The following WSCD2 variants were observed in gnomAD, a reference collection of about 807,000 sequenced individuals.
WSCD2 encodes the protein WSC domain sialate O sulfotransferase 2, also known as sialate:O-sulfotransferase 2.
A neutral mutation model predicts 55.7 loss-of-function variants in WSCD2; 28 were observed. The ratio of observed to expected loss-of-function variants is 0.50; its 90% CI spans 0.37 to 0.69. WSCD2 has a LOEUF of 0.69. WSCD2 is among the 30% of genes least tolerant of loss of function. The pLI is 0.00. For synonymous variants in WSCD2, 301 were observed against 301.9 expected (o/e 1.00, Z 0.03); for missense variants, 616 against 762.1 (o/e 0.81, Z 2.26).
At chr12:108,153,333 C>A in intron 1 of WSCD2, among the ~76,000 whole-genome samples, 1 of 152,224 alleles carries the variant, frequency 6.6e-6, no homozygotes, top group South Asian at 2.1e-4. Flanking sequence ...CTGTGGATCT[C>A]TGTAGCCCCA....
intron 1 of WSCD2, among the ~76,000 whole-genome samples, chr12:108,132,341 GAC>G (rs1228803537): frequency 6.6e-6 from 1 of 152,176 alleles, no homozygotes; most frequent in East Asian, 1.9e-4. Flanking sequence ...TGTGTGTGTG[GAC>G]ACGTGTGTGA....
At chr12:108,236,099 G>T (rs377225152) in intron 7 of WSCD2, among the ~76,000 whole-genome samples, 5 of 152,168 alleles carry the variant, frequency 3.3e-5, no homozygotes. Flanking sequence ...ATTTGCACGT[G>T]CTATCATCTG....
At chr12:108,154,095 GC>G (rs914455053) in intron 1 of WSCD2, among the ~76,000 whole-genome samples, 51 of 152,190 alleles carry the variant, frequency 3.4e-4, no homozygotes, top group African/African-American at 1.2e-3. Flanking sequence ...GAAGGTCAGG[GC>G]CCCCTGAGTG....
chr12:108,205,574 T>C (rs1246090020), intron 2 of WSCD2, among the ~76,000 whole-genome samples: 1 of 152,216 alleles, frequency 6.6e-6, no homozygotes, highest in African/African-American at 2.4e-5. Context: ...ACAATTTTCC[T>C]TTGAATGGAA....
chr12:108,222,217 C>G (rs1195690500), intron 4 of WSCD2, among the ~76,000 whole-genome samples: 1 of 152,218 alleles, frequency 6.6e-6, no homozygotes, highest in East Asian at 1.9e-4. Context: ...CTAGATAGAC[C>G]CAGACACCGC....
At chr12:108,160,944 T>G (rs1011384324) in intron 1 of WSCD2, among the ~76,000 whole-genome samples, 3 of 152,172 alleles carry the variant, frequency 2.0e-5, no homozygotes, top group African/African-American at 4.8e-5. Flanking sequence ...GTTTCCTCAC[T>G]TATAAAGTGG....
chr12:108,223,002 G>A (rs1281659333), intron 4 of WSCD2, among the ~76,000 whole-genome samples: 1 of 152,256 alleles, frequency 6.6e-6, no homozygotes, highest in African/African-American at 2.4e-5. Context: ...TGGCAGGCCA[G>A]CAGACTGGAA....
chr12:108,149,581 G>A (rs541435947), intron 1 of WSCD2, among the ~76,000 whole-genome samples: 2 of 152,296 alleles, frequency 1.3e-5, no homozygotes, highest in South Asian at 4.1e-4. Flanking sequence ...TGCTCAGGCA[G>A]GGGGATGCTC....
At position 108,163,644 on chromosome 12, in the gene WSCD2, T is replaced by A. The variant is rs190259251; in HGVS notation, c.-551-31638T>A. Among the ~76,000 whole-genome samples the A allele has an allele frequency of 1.2e-3, 182 of 151,924 alleles. 1 individual carries two copies. The highest frequency in any genetic ancestry group is 1.3e-3 in the Non-Finnish European group (85 of 67,942). ...AAGAGGGAGGCAGGGAAGATCCGAG[T>A]CAGTAGCAGGAGATGCGATGATAGA... On this transcript the variant is annotated intron_variant, in intron 1 of 8. Transcript: ENST00000547525.
chr12:108,146,201 C>T (rs1205843412), intron 1 of WSCD2, among the ~76,000 whole-genome samples: 2 of 152,188 alleles, frequency 1.3e-5, no homozygotes, highest in Non-Finnish European at 2.9e-5. Context: ...GAAAAACATC[C>T]CTTCCATCCC....
At chr12:108,240,297 G>A in intron 7 of WSCD2, 47 bp from the exon 8 acceptor site, 3 of 1,605,368 alleles carry the variant, frequency 1.9e-6, no homozygotes, top group Non-Finnish European at 2.6e-6. Context: ...TGGGCTTCTT[G>A]CTTCCCCAGC....
chr12:108,195,223 T>A (rs1386537636), intron 1 of WSCD2, 59 bp from the exon 2 acceptor site: 1 of 152,654 alleles, frequency 6.6e-6, no homozygotes, highest in Non-Finnish European at 1.5e-5. Flanking sequence ...TCAAGAACCC[T>A]GTGGGTTCTG....
chr12:108,214,016 G>A (rs1886538010), intron 4 of WSCD2, among the ~76,000 whole-genome samples: 2 of 152,262 alleles, frequency 1.3e-5, no homozygotes, highest in African/African-American at 4.8e-5. Flanking sequence ...CTAGGATTAT[G>A]CCTAGGATTT....
chr12:108,248,380 G>T lies in WSCD2; in HGVS notation c.*37G>T. 1 of 1,583,134 alleles carries T rather than the reference G, an allele frequency of 6.3e-7. No homozygotes were observed. The highest frequency in any genetic ancestry group is 1.2e-5 in the South Asian group (1 of 86,186). ...AGGGGGAGGGTAGACTGGGAGTCCT[G>T]ACCACGCAGGCCCTGGGGACTCAAG... On this transcript the variant is annotated 3_prime_UTR_variant, in exon 9 of 9. Transcript: ENST00000547525. This position sits in a 1 kb window ranked among gnomAD's most constrained non-coding sequence, Gnocchi z 4.3.
At chr12:108,185,267 T>G (rs941348296) in intron 1 of WSCD2, among the ~76,000 whole-genome samples, 2 of 152,130 alleles carry the variant, frequency 1.3e-5, no homozygotes, top group Admixed American at 1.3e-4. Flanking sequence ...ATGTCCTCAA[T>G]GTATTATTTA....
At chr12:108,239,397 T>G (rs1889527282) in intron 7 of WSCD2, among the ~76,000 whole-genome samples, 1 of 152,236 alleles carries the variant, frequency 6.6e-6, no homozygotes, top group Non-Finnish European at 1.5e-5. Flanking sequence ...CTGACTGGGC[T>G]GCCCACCTCC....
At chr12:108,187,743 AG>A (rs1455705439) in intron 1 of WSCD2, among the ~76,000 whole-genome samples, 10 of 152,218 alleles carry the variant, frequency 6.6e-5, no homozygotes, top group Non-Finnish European at 1.5e-4. Flanking sequence ...CTTTCCAATG[AG>A]GCAGGGTGGA....
At chr12:108,229,076 C>T (rs117528834) in intron 6 of WSCD2, among the ~76,000 whole-genome samples, 1 of 152,288 alleles carries the variant, frequency 6.6e-6, no homozygotes, top group East Asian at 1.9e-4. Context: ...CAGTGCCCTA[C>T]CCCCAGGCCA....
intron 1 of WSCD2, among the ~76,000 whole-genome samples, chr12:108,159,462 G>C (rs1257481754): frequency 3.9e-5 from 6 of 152,240 alleles, no homozygotes; most frequent in Non-Finnish European, 1.5e-5. Context: ...GGGCTCCACA[G>C]TACTACAGTG....
Sources: allele counts gnomAD v4.1 joint callset (sites outside exome capture counted in the v4.1 genomes callset), GRCh38; gene constraint gnomAD v4.1.1; non-coding constraint Gnocchi (gnomAD v3.1); transcripts MANE v1.5; gene names NCBI Gene and HGNC (gene_info 2026-07-23, HGNC 2026-07-21).